Variants in UTRN observed in about 807,000 individuals in gnomAD.
UTRN encodes dystrophin-related protein 1.
UTRN carries 283 observed loss-of-function variants against 463.9 expected under a neutral mutation model. That is an observed-to-expected ratio of 0.61 (90% CI 0.55 to 0.67). UTRN has a LOEUF of 0.67. UTRN is among the 30% of genes least tolerant of loss of function. UTRN has a pLI of 0.00. For missense variants in UTRN, 3,922 were observed against 4,084.3 expected (o/e 0.96, Z 1.08); for synonymous variants, 1,442 against 1,431.5 (o/e 1.01, Z -0.17).
At chr6:144,825,318 A>G (rs1043126555) in intron 66 of UTRN, among the ~76,000 whole-genome samples, 2 of 152,304 alleles carry the variant, frequency 1.3e-5, no homozygotes, top group Non-Finnish European at 1.5e-5. Flanking sequence ...TAACACACAC[A>G]TTGTTCTTAT....
In UTRN at chr6:144,730,417, C is replaced by T; in HGVS notation, c.7870C>T (p.Arg2624Ter). 9 of 1,611,800 alleles carry T rather than the reference C, an allele frequency of 5.6e-6. No individual in the cohort carries two copies. Among genetic ancestry groups the T allele is most frequent in the Non-Finnish European group, 7.6e-6 (9 of 1,178,868 alleles). The change falls in exon 54 of 75, where the codon CGA becomes TGA. Residue 2624 changes from arginine (R) to a stop codon, truncating the protein, a stop_gained. Transcript: ENST00000367545. LOFTEE classifies it high-confidence loss of function. ...YSVLNAVDQA[R>*]VFLADQPIEA... ...TGTCCTGAATGCTGTCGACCAGGCC[C>T]GAGTTTTCTTGGCTGATCAGCCAAT...
intron 53 of UTRN, among the ~76,000 whole-genome samples, chr6:144,727,933 CTA>C (rs1788066680): frequency 6.6e-6 from 1 of 151,838 alleles, no homozygotes; most frequent in South Asian, 2.1e-4. Context: ...AATCCCATCT[CTA>C]TTAAAAGTAG....
chr6:144,521,530 G>A (rs1796090409), intron 39 of UTRN, among the ~76,000 whole-genome samples: 1 of 152,096 alleles, frequency 6.6e-6, no homozygotes, highest in East Asian at 1.9e-4. Flanking sequence ...TTGTGTTATG[G>A]AAACATGTTT....
intron 65 of UTRN, among the ~76,000 whole-genome samples, chr6:144,820,046 T>A (rs1258566406): frequency 6.6e-6 from 1 of 151,628 alleles, no homozygotes; most frequent in African/African-American, 2.4e-5. Flanking sequence ...GTAAATATTT[T>A]AAATGCATCT....
intron 39 of UTRN, among the ~76,000 whole-genome samples, chr6:144,519,940 C>G (rs924257473): frequency 2.0e-5 from 3 of 152,136 alleles, no homozygotes; most frequent in African/African-American, 7.2e-5. Context: ...TGGCTCCCAA[C>G]ATTTACCTAA....
intron 8 of UTRN, 105 bp downstream of exon 8, chr6:144,428,998 G>C (rs918240703): frequency 1.4e-6 from 1 of 718,490 alleles, no homozygotes; most frequent in Non-Finnish European, 2.2e-6. Context: ...GAGACTTGAA[G>C]AACCTTTTCC....
At chr6:144,721,246 C>T (rs561618819) in intron 53 of UTRN, among the ~76,000 whole-genome samples, 13 of 152,276 alleles carry the variant, frequency 8.5e-5, no homozygotes, top group African/African-American at 3.1e-4. Flanking sequence ...GTGTCTTGCT[C>T]CGTCGCCTAG....
intron 51 of UTRN, among the ~76,000 whole-genome samples, chr6:144,608,689 G>A (rs1240977273): frequency 2.6e-5 from 4 of 152,242 alleles, no homozygotes; most frequent in African/African-American, 4.8e-5. Flanking sequence ...TCCCTTTGTG[G>A]GAGGGAGATA....
chr6:144,294,770 G>A (rs1451840372), intron 2 of UTRN, among the ~76,000 whole-genome samples: 2 of 138,360 alleles, frequency 1.4e-5, no homozygotes, highest in African/African-American at 6.4e-5. Context: ...GTATTACTTT[G>A]TTTCATGCCA....
intron 2 of UTRN, among the ~76,000 whole-genome samples, chr6:144,388,824 T>C (rs1781649160): frequency 6.6e-6 from 1 of 152,190 alleles, no homozygotes; most frequent in Admixed American, 6.5e-5. Context: ...TTTTAATGCA[T>C]GAAAATATAC....
intron 51 of UTRN, among the ~76,000 whole-genome samples, chr6:144,588,593 G>A (rs746581317): frequency 2.6e-5 from 4 of 152,122 alleles, no homozygotes; most frequent in South Asian, 4.1e-4. Flanking sequence ...CGGATAAAAG[G>A]TCTCTTTTAT....
intron 51 of UTRN, among the ~76,000 whole-genome samples, chr6:144,671,254 T>C (rs1191722296): frequency 1.3e-5 from 2 of 152,156 alleles, no homozygotes; most frequent in Non-Finnish European, 2.9e-5. Flanking sequence ...ACAATATTTA[T>C]TCTACTCATA....
intron 52 of UTRN, among the ~76,000 whole-genome samples, chr6:144,684,975 C>G (rs1782600175): frequency 6.6e-6 from 1 of 152,200 alleles, no homozygotes; most frequent in African/African-American, 2.4e-5. Context: ...CACTTGAGTA[C>G]TGTACATTGT....
At chr6:144,827,816 G>C in intron 68 of UTRN, 140 bp downstream of exon 68, 1 of 1,051,956 alleles carries the variant, frequency 9.5e-7, no homozygotes. Flanking sequence ...TTTGGAATTT[G>C]GGCTCTCATA....
Position 144,789,223 on chromosome 6 carries a change from G to C in UTRN, c.8864G>C (p.Ser2955Thr). Residue 2955 changes from serine to threonine, a missense_variant, in exon 62 of 75, where the codon AGT becomes ACT. Physicochemically the swap from Ser to Thr is moderately conservative, Grantham distance 58 (BLOSUM62 1). Coordinates refer to ENST00000367545, the MANE Select transcript of UTRN (RefSeq NM_007124.3). ...TGRTGKIRVQ[S>T]LKIGLMSLSK... ...CGAACTGGAAAAATTAGAGTGCAGAGTCTGAAGATTGGATTAATGTCTCTC... is the reference window on the plus strand; with the variant it reads ...CGAACTGGAAAAATTAGAGTGCAGACTCTGAAGATTGGATTAATGTCTCTC... 1 of 1,613,512 alleles carries C rather than the reference G, an allele frequency of 6.2e-7. No individual in the cohort carries two copies. The highest frequency in any genetic ancestry group is 8.5e-7 in the Non-Finnish European group (1 of 1,179,726).
chr6:144,840,153 A>G (rs1781440804), intron 72 of UTRN, among the ~76,000 whole-genome samples: 1 of 152,060 alleles, frequency 6.6e-6, no homozygotes, highest in Non-Finnish European at 1.5e-5. Flanking sequence ...GCACCAATGC[A>G]CTCCAGCCTG....
chr6:144,741,670 G>C (rs1039375632), intron 54 of UTRN, among the ~76,000 whole-genome samples: 3 of 152,148 alleles, frequency 2.0e-5, no homozygotes, highest in African/African-American at 7.2e-5. Context: ...CCACTACTTG[G>C]AGGAAATTCA....
At chr6:144,666,522 A>G (rs1562732400) in intron 51 of UTRN, among the ~76,000 whole-genome samples, 1 of 152,236 alleles carries the variant, frequency 6.6e-6, no homozygotes, top group Non-Finnish European at 1.5e-5. Flanking sequence ...CTCTGTTTAC[A>G]TTAGGATCCT....
intron 52 of UTRN, among the ~76,000 whole-genome samples, chr6:144,692,124 T>C (rs568964429): frequency 1.3e-5 from 2 of 152,338 alleles, no homozygotes; most frequent in East Asian, 1.9e-4. Context: ...CTCCCACTTA[T>C]AAGTGAAGAC....
Sources: gnomAD v4.1 joint callset for allele counts (sites outside exome capture counted in the v4.1 genomes callset) on GRCh38, gnomAD v4.1.1 for gene constraint, MANE v1.5 for transcripts, NCBI Gene and HGNC (gene_info 2026-07-23, HGNC 2026-07-21) for gene names.